Variants in ANKRD30A observed in about 807,000 individuals in gnomAD.
The protein encoded by ANKRD30A is ankyrin repeat domain-containing protein 30A.
Under a neutral mutation model 166.3 loss-of-function variants are expected in ANKRD30A, and 170 were observed. The ratio of observed to expected loss-of-function variants is 1.02; its 90% CI spans 0.90 to 1.16. The LOEUF (loss-of-function observed/expected upper bound fraction) is 1.16, where lower values mean the gene tolerates loss of function less well. ANKRD30A is among the 50% of genes most tolerant of loss of function. ANKRD30A has a pLI of 0.00. For missense variants in ANKRD30A, 1,630 were observed against 1,518.0 expected (o/e 1.07, Z -1.23); for synonymous variants, 564 against 508.9 (o/e 1.11, Z -1.46).
At chr10:37,254,433 T>C in the ANKRD30A span, among the ~76,000 whole-genome samples, 1 of 152,170 alleles carries the variant, frequency 6.6e-6, no homozygotes, top group Non-Finnish European at 1.5e-5. Flanking sequence ...TGATGTCTCC[T>C]TGTGGTTTTG....
chr10:37,200,235 T>G (rs1841509567), intron 30 of ANKRD30A, among the ~76,000 whole-genome samples: 1 of 152,108 alleles, frequency 6.6e-6, no homozygotes, highest in South Asian at 2.1e-4. Context: ...GACTTGAACG[T>G]ATTGACATAT....
intron 27 of ANKRD30A, among the ~76,000 whole-genome samples, chr10:37,196,163 A>T (rs951974984): frequency 1.4e-5 from 2 of 146,616 alleles, no homozygotes; most frequent in Non-Finnish European, 3.0e-5. Context: ...GAAAGAATGT[A>T]GGCAGGTAAT....
the ANKRD30A span, among the ~76,000 whole-genome samples, chr10:37,264,206 A>T: frequency 6.6e-6 from 1 of 152,224 alleles, no homozygotes; most frequent in Non-Finnish European, 1.5e-5. Context: ...TGTTGTATAC[A>T]GCCTTAGGTT....
chr10:37,160,495 T>A (rs1432453622), intron 15 of ANKRD30A, among the ~76,000 whole-genome samples: 2 of 152,122 alleles, frequency 1.3e-5, no homozygotes, highest in Non-Finnish European at 2.9e-5. Context: ...AGATCAGAAG[T>A]TAGAACAAAA....
chr10:37,161,955 A>G (rs969117631), intron 15 of ANKRD30A, among the ~76,000 whole-genome samples: 4 of 152,198 alleles, frequency 2.6e-5, no homozygotes, highest in Non-Finnish European at 5.9e-5. Context: ...AATATAAAAA[A>G]GTTATTTATG....
intron 31 of ANKRD30A, 131 bp downstream of exon 31, chr10:37,201,456 T>C (rs774013513): frequency 3.2e-5 from 19 of 588,706 alleles, no homozygotes; most frequent in Non-Finnish European, 4.5e-5. Flanking sequence ...AGAAGTGCAA[T>C]GGTCATAAGT....
chr10:37,142,335 G>A (rs377204199), intron 7 of ANKRD30A, 45 bp downstream of exon 7: 1 of 1,516,158 alleles, frequency 6.6e-7, no homozygotes, highest in African/African-American at 1.4e-5. Context: ...GGCACTTCAG[G>A]TTCCCTAGTG....
the ANKRD30A span, among the ~76,000 whole-genome samples, chr10:37,243,683 G>A: frequency 6.6e-6 from 1 of 152,056 alleles, no homozygotes; most frequent in Non-Finnish European, 1.5e-5. Context: ...ACATAAATAA[G>A]AGTGACATTC....
chr10:37,241,056 T>G, the ANKRD30A span: 1 of 152,024 alleles, frequency 6.6e-6, no homozygotes, highest in African/African-American at 2.4e-5. Context: ...CATAGTTATA[T>G]ATACATTTTT....
chr10:37,222,550 G>T (rs532346878), intron 34 of ANKRD30A, among the ~76,000 whole-genome samples: 1 of 151,324 alleles, frequency 6.6e-6, no homozygotes, highest in Non-Finnish European at 1.5e-5. Flanking sequence ...TATGAATAAC[G>T]CTGCTGTAAG....
At position 37,194,959 on chromosome 10, in the gene ANKRD30A, T is replaced by C. The variant is rs144420298; in HGVS notation, c.2614+1701T>C. On this transcript the variant is annotated intron_variant, in intron 27 of 35. Coordinates refer to ENST00000361713, the MANE Select transcript of ANKRD30A (RefSeq NM_052997.3). ...ATTGGAAAAGTCCTACTTTCCAATA[T>C]GCATTACAACTGTTAGTTGTTAACC... Among the ~76,000 whole-genome samples the C allele has an allele frequency of 8.9e-4, 136 of 152,188 alleles. 1 individual carries two copies. Among genetic ancestry groups the C allele is most frequent in the East Asian group, 8.8e-3 (45 of 5,088 alleles).
At position 37,219,674 on chromosome 10, in the gene ANKRD30A, A is replaced by G. The variant is rs542525728; in HGVS notation, c.3962A>G (p.Gln1321Arg). 34 of 1,609,706 alleles carry G rather than the reference A, an allele frequency of 2.1e-5. 1 individual carries two copies. The South Asian group carries it at 3.3e-4, about 16-fold the overall frequency. ...KHTEQQESLD[Q>R]KLFQLQSKNM... ...ACTGAACAGCAGGAGTCTCTAGATC[A>G]GAAATTATTTCAACTACAAAGCAAA... The change falls in exon 34 of 36, where the codon CAG becomes CGG. Residue 1321 changes from glutamine to arginine, a missense_variant. Physicochemically the swap from Gln to Arg is conservative, Grantham distance 43. Coordinates refer to ENST00000361713, the MANE Select transcript of ANKRD30A (RefSeq NM_052997.3).
chr10:37,136,656 C>CA lies in ANKRD30A; in HGVS notation c.809dup (p.Asn270LysfsTer13). The CA allele has an allele frequency of 7.0e-7, 1 of 1,419,290 alleles. No homozygotes were observed. The highest frequency in any genetic ancestry group is 9.7e-7 in the Non-Finnish European group (1 of 1,030,074). The allele number at this position is 1,419,290 out of a possible 1,614,324, so 87.9% of individuals were successfully genotyped here. ...TATACGAAAATTATCTAAAAATCATCAAAATACCAATCCAGGTAAGACTTC... is the reference window on the plus strand; with the variant it reads ...TATACGAAAATTATCTAAAAATCATCAAAAATACCAATCCAGGTAAGACTTC... On this transcript the variant is annotated frameshift_variant, in exon 6 of 36. Coordinates refer to ENST00000361713, the MANE Select transcript of ANKRD30A (RefSeq NM_052997.3). LOFTEE classifies it high-confidence loss of function.
At chr10:37,134,088 T>G in intron 5 of ANKRD30A, 35 bp downstream of exon 5, 1 of 1,606,954 alleles carries the variant, frequency 6.2e-7, no homozygotes, top group East Asian at 2.2e-5. Flanking sequence ...GGTGAGATTT[T>G]ATAGTTTGTT....
chr10:37,205,375 C>A (rs1032298319), intron 31 of ANKRD30A, among the ~76,000 whole-genome samples: 7 of 150,346 alleles, frequency 4.7e-5, no homozygotes, highest in African/African-American at 1.7e-4. Context: ...CACATGTTCT[C>A]ACCCATAGGT....
At chr10:37,257,551 C>T in the ANKRD30A span, among the ~76,000 whole-genome samples, 2 of 152,090 alleles carry the variant, frequency 1.3e-5, no homozygotes, top group African/African-American at 4.8e-5. Flanking sequence ...TGTAAGTTTC[C>T]CTCTTAACAT....
chr10:37,150,980 A>C (rs1180190201), intron 11 of ANKRD30A, among the ~76,000 whole-genome samples: 1 of 148,338 alleles, frequency 6.7e-6, no homozygotes, highest in African/African-American at 2.5e-5. Context: ...GTACGCTTCT[A>C]AAAATGAGTG....
At chr10:37,213,556 C>CTTTTTTT (rs397965588) in intron 31 of ANKRD30A, among the ~76,000 whole-genome samples, 2 of 132,558 alleles carry the variant, frequency 1.5e-5, no homozygotes, top group Admixed American at 7.4e-5. Flanking sequence ...TCTTCTTCTT[C>CTTTTTTT]TTTTTTTTTT....
downstream of ANKRD30A, chr10:37,232,654 TTATATATATATATATATATATA>T (rs10559316): frequency 9.2e-4 from 50 of 54,204 alleles, 4 homozygotes; most frequent in East Asian, 0.03. Flanking sequence ...AGCATTGGTT[TTATATATATATATATATATATA>T]TATATATATA....
Sources: gnomAD v4.1 joint callset for allele counts (sites outside exome capture counted in the v4.1 genomes callset) on GRCh38, gnomAD v4.1.1 for gene constraint, MANE v1.5 for transcripts, NCBI Gene and HGNC (gene_info 2026-07-23, HGNC 2026-07-21) for gene names.